CLINT1: variants seen among roughly 807,000 people sequenced by gnomAD.
CLINT1 encodes the protein clathrin interactor 1, also known as clathrin interacting protein localized in the trans-Golgi region.
CLINT1 carries 15 observed loss-of-function variants against 70.4 expected under a neutral mutation model. The ratio of observed to expected loss-of-function variants is 0.21; its 90% confidence interval spans 0.14 to 0.33. The LOEUF is 0.33. Ranked by LOEUF, CLINT1 falls within the 10% of genes least tolerant of loss-of-function variation. The probability of loss-of-function intolerance (pLI) is 1.00; values close to 1 mark genes in which losing one functional copy is unlikely to be tolerated. For missense variants in CLINT1, 615 were observed against 778.1 expected (o/e 0.79, Z 2.49); for synonymous variants, 227 against 254.7 (o/e 0.89, Z 1.04).
intron 1 of CLINT1, among the ~76,000 whole-genome samples, chr5:157,837,060 T>G (rs974226775): frequency 6.6e-6 from 1 of 152,218 alleles, no homozygotes; most frequent in Non-Finnish European, 1.5e-5. Flanking sequence ...CCTTGGGATA[T>G]AAGTATCTGA....
At chr5:157,834,679 TCC>T (rs767724993) in intron 1 of CLINT1, among the ~76,000 whole-genome samples, 3 of 152,104 alleles carry the variant, frequency 2.0e-5, no homozygotes, top group Non-Finnish European at 4.4e-5. Flanking sequence ...GCTTCCAGAA[TCC>T]CCACCTCTTT....
chr5:157,834,705 T>C, intron 1 of CLINT1, among the ~76,000 whole-genome samples: 1 of 152,194 alleles, frequency 6.6e-6, no homozygotes, highest in East Asian at 1.9e-4. Flanking sequence ...AACCTAGTTT[T>C]CAACAAAGAT....
intron 1 of CLINT1, among the ~76,000 whole-genome samples, chr5:157,826,463 T>A (rs1763043269): frequency 6.6e-6 from 1 of 152,138 alleles, no homozygotes; most frequent in Non-Finnish European, 1.5e-5. Flanking sequence ...GAATTATCAT[T>A]TTCTTAGACT....
chr5:157,800,789 C>T (rs1762188717), intron 8 of CLINT1, among the ~76,000 whole-genome samples: 1 of 152,150 alleles, frequency 6.6e-6, no homozygotes, highest in African/African-American at 2.4e-5. Flanking sequence ...ACAAACCACT[C>T]AAAGGTTCCT....
rs928806451 is a variant in CLINT1 at position 157,787,569 on chromosome 5, A to G, written c.*77T>C. On this transcript the variant is annotated 3_prime_UTR_variant, in exon 12 of 12. Transcript: ENST00000411809. ...TACTTGATAAAAGAAAGGGTAGTTG[A>G]TTAGCATTTTCCATCCCAACATCAC... 4.4e-6 allele frequency: 5 copies of G among 1,145,434 alleles called. No homozygotes were observed. In the African/African-American group the frequency reaches 7.7e-5, roughly 18 times the overall value. 71.0% of individuals were successfully genotyped at this position (1,145,434 alleles called of 1,614,324 possible). A position where few individuals can be genotyped will look rare whatever the true frequency, so the allele number is the denominator to read the frequency against.
Position 157,791,804 on chromosome 5 carries a change from TAAG to T in CLINT1, c.1276_1278del (p.Leu426del). ...GTCATGGTTGCCTGGGACGAGCCCA[TAAG>T]ATCAAACAGGTCTGAAGAATTTGAG... is the stretch of plus-strand genomic sequence containing the variant. On this transcript the variant is annotated inframe_deletion, in exon 10 of 12. Coordinates refer to ENST00000411809, the MANE Select transcript of CLINT1 (RefSeq NM_014666.4). The T allele has an allele frequency of 6.2e-7, 1 of 1,613,912 alleles. No individual in the cohort carries two copies. The highest frequency in any genetic ancestry group is 8.5e-7 in the Non-Finnish European group (1 of 1,179,872).
chr5:157,828,927 T>TAAAAA (rs11379662), intron 1 of CLINT1, among the ~76,000 whole-genome samples: 2 of 103,376 alleles, frequency 1.9e-5, no homozygotes, highest in African/African-American at 7.8e-5. Context: ...TGTCTCTACT[T>TAAAAA]AAAAAAAAAA....
intron 8 of CLINT1, among the ~76,000 whole-genome samples, chr5:157,797,534 T>G (rs1462342864): frequency 2.0e-5 from 3 of 152,120 alleles, no homozygotes; most frequent in Non-Finnish European, 4.4e-5. Context: ...TACAGGTGTC[T>G]GCCACCACGC....
intron 1 of CLINT1, among the ~76,000 whole-genome samples, chr5:157,858,505 G>A (rs990793985): frequency 3.9e-5 from 6 of 152,152 alleles, no homozygotes; most frequent in African/African-American, 1.4e-4. Context: ...TACACCTTGA[G>A]GGACACAGGG....
At chr5:157,841,349 T>C (rs1753170981) in intron 1 of CLINT1, among the ~76,000 whole-genome samples, 1 of 151,536 alleles carries the variant, frequency 6.6e-6, no homozygotes, top group African/African-American at 2.4e-5. Context: ...GCAGACCACC[T>C]GAGGTCAGGA....
chr5:157,828,840 G>A lies in CLINT1; in HGVS notation c.42-11293C>T, dbSNP rs1432109363. On this transcript the variant is annotated intron_variant, in intron 1 of 11. Coordinates refer to ENST00000411809, the MANE Select transcript of CLINT1 (RefSeq NM_014666.4). ...ACGGTGGCTCACACCTGTAATCCCA[G>A]CACTTTGAGAGGCCGAGGCAGGCAG... Among the ~76,000 whole-genome samples, 3 of 148,590 alleles carry A rather than the reference G, an allele frequency of 2.0e-5. No individual in the cohort carries two copies. The Admixed American group carries it at 2.1e-4, about 10-fold the overall frequency.
chr5:157,805,828 A>G, intron 7 of CLINT1, 38 bp downstream of exon 7: 1 of 1,607,204 alleles, frequency 6.2e-7, no homozygotes, highest in East Asian at 2.2e-5. Context: ...TTATAAAAAT[A>G]AAACCATGTA....
chr5:157,840,100 C>G (rs1383661765), intron 1 of CLINT1, among the ~76,000 whole-genome samples: 1 of 141,320 alleles, frequency 7.1e-6, no homozygotes, highest in Non-Finnish European at 1.5e-5. Context: ...GAGGTTAAGG[C>G]AGGAGAATAG....
intron 9 of CLINT1, 96 bp downstream of exon 9, chr5:157,794,802 A>G: frequency 1.1e-6 from 1 of 878,666 alleles, no homozygotes; most frequent in Non-Finnish European, 1.8e-6. Context: ...TACAAGGAGA[A>G]AAATGACAGA....
At chr5:157,822,642 T>C (rs1416932148) in intron 1 of CLINT1, among the ~76,000 whole-genome samples, 1 of 152,228 alleles carries the variant, frequency 6.6e-6, no homozygotes, top group East Asian at 1.9e-4. Context: ...CTCCTCTTTA[T>C]TCTCCATTTT....
Position 157,821,237 on chromosome 5 carries a change from T to C in CLINT1, c.42-3690A>G, listed in dbSNP as rs137898598. 3.5e-4 allele frequency among the ~76,000 whole-genome samples: 53 copies of C among 152,320 alleles called. No homozygotes were observed. In the East Asian group the frequency reaches 0.01, roughly 29 times the overall value. Reference sequence around the variant, plus strand: ...ACCAAAAAAATTTTCTGTATATTATTTTAAACCAGTCTGACAGTAATACCA... The same window carrying C: ...ACCAAAAAAATTTTCTGTATATTATCTTAAACCAGTCTGACAGTAATACCA... On this transcript the variant is annotated intron_variant, in intron 1 of 11. Transcript: ENST00000411809.
At chr5:157,850,914 C>A (rs1277849813) in intron 1 of CLINT1, among the ~76,000 whole-genome samples, 2 of 152,058 alleles carry the variant, frequency 1.3e-5, no homozygotes, top group Admixed American at 1.3e-4. Flanking sequence ...CCCATTTCAG[C>A]CTCCCATGTA....
At chr5:157,839,935 A>C (rs959235509) in intron 1 of CLINT1, among the ~76,000 whole-genome samples, 2 of 151,926 alleles carry the variant, frequency 1.3e-5, no homozygotes, top group Admixed American at 6.6e-5. Context: ...TCAAAAGAAA[A>C]AAGAGGAGGT....
At position 157,848,863 on chromosome 5, in the gene CLINT1, C is replaced by T. The variant is rs367643413; in HGVS notation, c.41+10067G>A. On this transcript the variant is annotated intron_variant, in intron 1 of 11. Coordinates refer to ENST00000411809, the MANE Select transcript of CLINT1 (RefSeq NM_014666.4). ...TTTTAGTAGAGACGGGGTTTCACCACGTTGGCCAGGTTGGTCTCGAACTCC... is the reference window on the plus strand; with the variant it reads ...TTTTAGTAGAGACGGGGTTTCACCATGTTGGCCAGGTTGGTCTCGAACTCC... 1.6e-3 allele frequency among the ~76,000 whole-genome samples: 244 copies of T among 151,820 alleles called. 2 individuals carry two copies. Among genetic ancestry groups the T allele is most frequent in the African/African-American group, 5.5e-3 (227 of 41,382 alleles).
Sources: allele counts gnomAD v4.1 joint callset (sites outside exome capture counted in the v4.1 genomes callset), GRCh38; gene constraint gnomAD v4.1.1; transcripts MANE v1.5; gene names NCBI Gene and HGNC (gene_info 2026-07-23, HGNC 2026-07-21).